Variants in MAP2K1 observed in about 807,000 individuals in gnomAD.
MAP2K1 encodes dual specificity mitogen-activated protein kinase kinase 1.
Under a neutral mutation model 46.3 loss-of-function variants are expected in MAP2K1, and 16 were observed. That is an observed-to-expected ratio of 0.35 (90% confidence interval 0.23 to 0.52). The LOEUF is 0.52. Among genes scored for constraint, MAP2K1 ranks in the 20% least tolerant of loss-of-function variants. The pLI is 0.94. For missense variants in MAP2K1, 263 were observed against 497.1 expected (o/e 0.53, Z 4.48); for synonymous variants, 183 against 185.6 (o/e 0.99, Z 0.11).
chr15:66,444,521 G>GA, intron 4 of MAP2K1, 135 bp from the exon 5 acceptor site: 2 of 714,076 alleles, frequency 2.8e-6, no homozygotes, highest in Non-Finnish European at 5.1e-6. Flanking sequence ...CAACAAGAGT[G>GA]AAACTGCGTC....
At chr15:66,468,642 T>A (rs74581464) in intron 5 of MAP2K1, among the ~76,000 whole-genome samples, 31,345 of 151,520 alleles carry the variant, frequency 0.21, 3,842 homozygotes, top group Middle Eastern at 0.32. Flanking sequence ...TTAAAAAAAA[T>A]TTTTTTTTGG....
At chr15:66,445,003 T>C (rs1436881139) in intron 5 of MAP2K1, 1 of 440,792 alleles carries the variant, frequency 2.3e-6, no homozygotes, top group African/African-American at 2.0e-5. Context: ...CACTATTCAC[T>C]GGAACAGTGA....
intron 5 of MAP2K1, among the ~76,000 whole-genome samples, chr15:66,468,124 GATTTGTGCTTTT>G (rs1892512250): frequency 6.6e-6 from 1 of 152,144 alleles, no homozygotes; most frequent in Non-Finnish European, 1.5e-5. Flanking sequence ...TAAGGTATTT[GATTTGTGCTTTT>G]ATTTTTCCTT....
intron 1 of MAP2K1, among the ~76,000 whole-genome samples, chr15:66,420,937 A>G (rs2093440172): frequency 9.7e-6 from 1 of 102,898 alleles, no homozygotes; most frequent in African/African-American, 3.1e-5. Flanking sequence ...ATATACACAC[A>G]TACATATATA....
intron 3 of MAP2K1, among the ~76,000 whole-genome samples, chr15:66,438,887 C>T (rs998813159): frequency 5.3e-5 from 8 of 152,146 alleles, no homozygotes; most frequent in African/African-American, 1.9e-4. Context: ...TGGAGCCTGC[C>T]ATAGGACCTT....
Position 66,420,845 on chromosome 15 carries a change from GTATATATATGTGTGTA to G in MAP2K1, c.81-14174_81-14159del, listed in dbSNP as rs1567003219. Among the ~76,000 whole-genome samples, 11 of 109,716 alleles carry G rather than the reference GTATATATATGTGTGTA, an allele frequency of 1.0e-4. 1 individual carries two copies. The highest frequency in any genetic ancestry group is 8.4e-4 in the South Asian group (3 of 3,580). 72.0% of individuals were successfully genotyped at this position (109,716 alleles called of 152,430 possible). On this transcript the variant is annotated intron_variant, in intron 1 of 10. Coordinates refer to ENST00000307102, the MANE Select transcript of MAP2K1 (RefSeq NM_002755.4). ...TATATATATGTGTATATATATGTGT[GTATATATATGTGTGTA>G]TATATATGTGTGTATATATATGTGT... is the stretch of plus-strand genomic sequence containing the variant.
At chr15:66,489,076 A>G in intron 8 of MAP2K1, 139 bp from the exon 9 acceptor site, 1 of 728,160 alleles carries the variant, frequency 1.4e-6, no homozygotes, top group Non-Finnish European at 2.5e-6. Flanking sequence ...CCTTGACTGG[A>G]TGAGAGTAGT....
intron 1 of MAP2K1, among the ~76,000 whole-genome samples, chr15:66,418,388 C>A (rs1177905969): frequency 6.6e-5 from 10 of 152,152 alleles, no homozygotes; most frequent in Non-Finnish European, 1.5e-4. Context: ...AAACTGCATT[C>A]CTGATTGATA....
intron 4 of MAP2K1, among the ~76,000 whole-genome samples, chr15:66,444,105 G>T (rs1891797041): frequency 1.3e-5 from 2 of 151,896 alleles, no homozygotes; most frequent in Middle Eastern, 3.4e-3. Context: ...GGGGGTGTTG[G>T]TGCATGCCTG....
intron 3 of MAP2K1, 31 bp downstream of exon 3, chr15:66,436,923 A>G: frequency 6.2e-7 from 1 of 1,613,246 alleles, no homozygotes; most frequent in Non-Finnish European, 8.5e-7. Flanking sequence ...CTCTGGAGCA[A>G]TGGCCTTAAG....
At chr15:66,426,728 C>A (rs1404658700) in intron 1 of MAP2K1, among the ~76,000 whole-genome samples, 2 of 152,204 alleles carry the variant, frequency 1.3e-5, no homozygotes, top group African/African-American at 2.4e-5. Context: ...AGTCAGAAGA[C>A]CTGGGTTCAA....
chr15:66,398,377 T>C (rs1418202797), intron 1 of MAP2K1, among the ~76,000 whole-genome samples: 3 of 152,174 alleles, frequency 2.0e-5, no homozygotes, highest in African/African-American at 7.2e-5. Flanking sequence ...ATCGTGCCAC[T>C]GCACTCTAGC....
At chr15:66,469,232 G>A (rs1892547367) in intron 5 of MAP2K1, among the ~76,000 whole-genome samples, 1 of 151,602 alleles carries the variant, frequency 6.6e-6, no homozygotes, top group African/African-American at 2.4e-5. Flanking sequence ...CTCCAGCCTG[G>A]GCGACAGAGC....
At chr15:66,484,830 A>G (rs1356683557) in intron 6 of MAP2K1, among the ~76,000 whole-genome samples, 160 bp from the exon 7 acceptor site, 1 of 152,206 alleles carries the variant, frequency 6.6e-6, no homozygotes, top group Non-Finnish European at 1.5e-5. Context: ...GGATTTGGTA[A>G]ACACAGTGTT....
chr15:66,479,243 G>T (rs376744242), intron 5 of MAP2K1, among the ~76,000 whole-genome samples: 7 of 152,128 alleles, frequency 4.6e-5, no homozygotes, highest in Admixed American at 2.0e-4. Context: ...GATTACAGGC[G>T]TGTGCCACCA....
chr15:66,440,483 A>C (rs1470117979), intron 3 of MAP2K1, among the ~76,000 whole-genome samples: 2 of 152,156 alleles, frequency 1.3e-5, no homozygotes, highest in African/African-American at 4.8e-5. Flanking sequence ...CTTTCCTAGA[A>C]ATAAGCTCTG....
At chr15:66,485,875 T>A (rs930856280) in intron 7 of MAP2K1, among the ~76,000 whole-genome samples, 4 of 152,148 alleles carry the variant, frequency 2.6e-5, no homozygotes, top group Non-Finnish European at 5.9e-5. Context: ...CCACCATGAC[T>A]GGCTTCTAAT....
rs1177769846 is a variant in MAP2K1, at chr15:66,420,853, A to ATG, written c.81-14168_81-14167dup. On this transcript the variant is annotated intron_variant, in intron 1 of 10. Coordinates refer to ENST00000307102, the MANE Select transcript of MAP2K1 (RefSeq NM_002755.4). ...TGTGTATATATATGTGTGTATATAT[A>ATG]TGTGTGTATATATATGTGTGTATAT... Among the ~76,000 whole-genome samples, 2 of 125,994 alleles carry ATG rather than the reference A, an allele frequency of 1.6e-5. 1 individual carries two copies. The allele number at this position is 125,994 out of a possible 152,430, so 82.7% of individuals were successfully genotyped here.
At chr15:66,442,962 TG>T (rs2140596966) in intron 3 of MAP2K1, among the ~76,000 whole-genome samples, 1 of 152,210 alleles carries the variant, frequency 6.6e-6, no homozygotes, top group Non-Finnish European at 1.5e-5. Context: ...GGACAAGGTA[TG>T]GGAGTGGGGT....
Sources: gnomAD v4.1 joint callset for allele counts (sites outside exome capture counted in the v4.1 genomes callset) on GRCh38, gnomAD v4.1.1 for gene constraint, MANE v1.5 for transcripts, NCBI Gene and HGNC (gene_info 2026-07-23, HGNC 2026-07-21) for gene names.